The following VIPR2 variants were observed in gnomAD, a reference collection of about 807,000 sequenced individuals.
VIPR2 encodes the protein vasoactive intestinal polypeptide receptor 2.
VIPR2 carries 48 observed loss-of-function variants against 58.0 expected under a neutral mutation model. That is an observed-to-expected ratio of 0.83 (90% confidence interval 0.66 to 1.05). VIPR2 has a LOEUF of 1.05. Ranked by LOEUF, VIPR2 falls within the 50% of genes least tolerant of loss-of-function variation. The probability of loss-of-function intolerance (pLI) is 0.00; values close to 1 mark genes in which losing one functional copy is unlikely to be tolerated. For synonymous variants in VIPR2, 243 were observed against 235.2 expected (o/e 1.03, Z -0.30); for missense variants, 534 against 558.0 (o/e 0.96, Z 0.43).
At chr7:159,051,913 T>C (rs935638244) in intron 5 of VIPR2, among the ~76,000 whole-genome samples, 6 of 152,162 alleles carry the variant, frequency 3.9e-5, no homozygotes, top group African/African-American at 1.2e-4. Context: ...TGTCTTTCAG[T>C]ACTGGTAGAA....
chr7:159,105,099 C>G (rs1368234803), intron 3 of VIPR2, among the ~76,000 whole-genome samples: 1 of 152,230 alleles, frequency 6.6e-6, no homozygotes, highest in Non-Finnish European at 1.5e-5. Context: ...ATTCAATGTT[C>G]CTTGTATTTG....
At chr7:159,102,011 G>A (rs1022986865) in intron 4 of VIPR2, among the ~76,000 whole-genome samples, 11 of 119,820 alleles carry the variant, frequency 9.2e-5, no homozygotes, top group Admixed American at 7.4e-4. Flanking sequence ...CACGAGATCC[G>A]ACGAGGCAGT....
chr7:159,056,924 T>A (rs557739467), intron 5 of VIPR2, among the ~76,000 whole-genome samples: 1 of 152,274 alleles, frequency 6.6e-6, no homozygotes, highest in East Asian at 1.9e-4. Context: ...CAGAATGACA[T>A]CCAACACAGA....
At chr7:159,038,806 A>T (rs1233850716) in intron 6 of VIPR2, among the ~76,000 whole-genome samples, 1 of 152,266 alleles carries the variant, frequency 6.6e-6, no homozygotes, top group Non-Finnish European at 1.5e-5. Context: ...AATTTTGGTT[A>T]TATAAACTTT....
In VIPR2 at chr7:159,095,752, G is replaced by A. The variant is rs1306346244; in HGVS notation, c.357+8005C>T. 1.3e-5 allele frequency among the ~76,000 whole-genome samples: 2 copies of A among 152,006 alleles called. No homozygotes were observed. Among genetic ancestry groups the A allele is most frequent in the Non-Finnish European group, 2.9e-5 (2 of 68,002 alleles). Reference sequence around the variant, plus strand: ...TCCTGTCCAGGCTCCAAATCACATCGACATGACAGTTGGTGCCGACCTGAC... The same window carrying A: ...TCCTGTCCAGGCTCCAAATCACATCAACATGACAGTTGGTGCCGACCTGAC... On this transcript the variant is annotated intron_variant, in intron 4 of 12. Transcript: ENST00000262178. The surrounding 1 kb of genome is among the most constrained non-coding windows in gnomAD (Gnocchi z 5.2).
At position 159,029,550 on chromosome 7, in the gene VIPR2, C is replaced by T. The variant is rs1369742507; in HGVS notation, c.*1066G>A. The T allele has an allele frequency of 1.3e-5, 2 of 152,216 alleles. No homozygotes were observed. Among genetic ancestry groups the T allele is most frequent in the Admixed American group, 6.5e-5 (1 of 15,286 alleles). 9.4% of individuals were successfully genotyped at this position (152,216 alleles called of 1,614,324 possible). A position where few individuals can be genotyped will look rare whatever the true frequency, so the allele number is the denominator to read the frequency against. On this transcript the variant is annotated 3_prime_UTR_variant, in exon 13 of 13. Coordinates refer to ENST00000262178, the MANE Select transcript of VIPR2 (RefSeq NM_003382.5). Reference sequence around the variant, plus strand: ...TAAAAAGAGAATAGGTTTCCGGTTCCCACTCAGCTGTATCCCGCACCCCAC... The same window carrying T: ...TAAAAAGAGAATAGGTTTCCGGTTCTCACTCAGCTGTATCCCGCACCCCAC...
At position 159,093,880 on chromosome 7, in the gene VIPR2, G is replaced by A. The variant is rs1857657551; in HGVS notation, c.357+9877C>T. ...GTCTCCTGGACAGCGGCCACCCCAT[G>A]CCCAGTGCTGACGGGCGCCCCTCGT... On this transcript the variant is annotated intron_variant, in intron 4 of 12. Coordinates refer to ENST00000262178, the MANE Select transcript of VIPR2 (RefSeq NM_003382.5). The surrounding 1 kb of genome is among the most constrained non-coding windows in gnomAD (Gnocchi z 6.7). Among the ~76,000 whole-genome samples the A allele has an allele frequency of 6.6e-6, 1 of 152,194 alleles. No homozygotes were observed. Among genetic ancestry groups the A allele is most frequent in the Admixed American group, 6.5e-5 (1 of 15,284 alleles).
intron 6 of VIPR2, 132 bp downstream of exon 6, chr7:159,042,901 GCT>G (rs202015318): frequency 4.0e-6 from 5 of 1,244,702 alleles, no homozygotes; most frequent in Admixed American, 5.9e-5. Flanking sequence ...TCTCTGCCAG[GCT>G]CTCTGTTTCT....
At chr7:159,040,445 C>T (rs1159766556) in intron 6 of VIPR2, among the ~76,000 whole-genome samples, 1 of 152,234 alleles carries the variant, frequency 6.6e-6, no homozygotes, top group African/African-American at 2.4e-5. Context: ...GTCCCACAGA[C>T]CCCGCAGGGG....
At chr7:159,042,876 G>C (rs1171928212) in intron 6 of VIPR2, among the ~76,000 whole-genome samples, 159 bp downstream of exon 6, 1 of 152,194 alleles carries the variant, frequency 6.6e-6, no homozygotes, top group African/African-American at 2.4e-5. Context: ...AACTGGGCCT[G>C]TTCTGGCCCC....
chr7:159,107,002 G>A (rs1795773985), intron 3 of VIPR2, among the ~76,000 whole-genome samples: 1 of 151,586 alleles, frequency 6.6e-6, no homozygotes, highest in African/African-American at 2.4e-5. Context: ...AGAGGCCAGG[G>A]AGGTGCAGAG....
At chr7:159,044,669 T>C (rs1854543787) in intron 5 of VIPR2, among the ~76,000 whole-genome samples, 1 of 149,080 alleles carries the variant, frequency 6.7e-6, no homozygotes, top group Non-Finnish European at 1.5e-5. Context: ...ACATAGACAA[T>C]ATTGATAAAA....
chr7:159,059,223 A>G (rs767430926), intron 4 of VIPR2: 1 of 471,110 alleles, frequency 2.1e-6, no homozygotes, highest in South Asian at 1.5e-5. Context: ...AATCCTACAC[A>G]AAAAGAACTG....
chr7:159,082,232 T>C (rs1453885262), intron 4 of VIPR2, among the ~76,000 whole-genome samples: 2 of 152,142 alleles, frequency 1.3e-5, no homozygotes, highest in Non-Finnish European at 2.9e-5. Context: ...CCAACAATGA[T>C]AGACTGGATT....
chr7:159,141,661 T>C (rs538895925), intron 2 of VIPR2, among the ~76,000 whole-genome samples: 1 of 152,396 alleles, frequency 6.6e-6, no homozygotes, highest in Non-Finnish European at 1.5e-5. Flanking sequence ...AAAATTAATC[T>C]CTCATGCTTC....
Position 159,032,530 on chromosome 7 carries a change from C to T in VIPR2, c.972-463G>A, listed in dbSNP as rs1347816680. Among the ~76,000 whole-genome samples the T allele has an allele frequency of 5.3e-5, 8 of 152,300 alleles. No individual in the cohort carries two copies. The South Asian group carries it at 1.7e-3, about 32-fold the overall frequency. ...CCTGCAGCTCGTAACAGCTGGGCTC[C>T]GTGGGAGCCAGGTCCCTCAGTCAGC... On this transcript the variant is annotated intron_variant, in intron 10 of 12. Transcript: ENST00000262178.
intron 4 of VIPR2, among the ~76,000 whole-genome samples, chr7:159,084,542 C>T (rs115908678): frequency 2.9e-4 from 44 of 152,224 alleles, no homozygotes; most frequent in African/African-American, 9.6e-4. Context: ...GCAGAGAGGG[C>T]GCCGGGCACG....
chr7:159,051,129 T>C (rs1854980452), intron 5 of VIPR2, among the ~76,000 whole-genome samples: 2 of 152,130 alleles, frequency 1.3e-5, no homozygotes, highest in Admixed American at 6.5e-5. Flanking sequence ...AGTAGGAAAA[T>C]GATTCCAGAT....
chr7:159,068,929 C>G (rs567380684), intron 4 of VIPR2, among the ~76,000 whole-genome samples: 1 of 152,186 alleles, frequency 6.6e-6, no homozygotes, highest in African/African-American at 2.4e-5. Flanking sequence ...AAGGAAGACA[C>G]GCAGCTACTA....
Sources: gnomAD v4.1 joint callset for allele counts (sites outside exome capture counted in the v4.1 genomes callset) on GRCh38, gnomAD v4.1.1 for gene constraint, Gnocchi (gnomAD v3.1) non-coding constraint, MANE v1.5 for transcripts, NCBI Gene and HGNC (gene_info 2026-07-23, HGNC 2026-07-21) for gene names.